LRRC28: variants seen among roughly 807,000 people sequenced by gnomAD.
LRRC28 encodes the protein leucine-rich repeat-containing protein 28.
LRRC28 carries 39 observed loss-of-function variants against 45.7 expected under a neutral mutation model. That is an observed-to-expected ratio of 0.85 (90% CI 0.66 to 1.12). The LOEUF (loss-of-function observed/expected upper bound fraction) is 1.12, where lower values mean the gene tolerates loss of function less well. Among genes scored for constraint, LRRC28 ranks in the 50% most tolerant of loss-of-function variants. The pLI, the probability that LRRC28 is intolerant of heterozygous loss-of-function variation, is 0.00. For missense variants in LRRC28, 435 were observed against 438.5 expected, an observed-to-expected ratio of 0.99 and a Z score of 0.07; for synonymous variants, 206 against 178.8, an observed-to-expected ratio of 1.15 and a Z score of -1.22.
chr15:99,309,974 G>T (rs535007882), intron 5 of LRRC28, among the ~76,000 whole-genome samples: 2 of 152,284 alleles, frequency 1.3e-5, no homozygotes, highest in African/African-American at 4.8e-5. Flanking sequence ...ACTTGTAGAA[G>T]ATGCACCCTC....
intron 3 of LRRC28, chr15:99,284,754 A>G (rs766552359): frequency 4.9e-5 from 26 of 526,096 alleles, no homozygotes; most frequent in East Asian, 3.6e-4. Flanking sequence ...TCCTCCCTTC[A>G]TGGGTTCAAA....
chr15:99,358,537 A>G (rs890122271), intron 7 of LRRC28, among the ~76,000 whole-genome samples: 1 of 152,194 alleles, frequency 6.6e-6, no homozygotes, highest in Non-Finnish European at 1.5e-5. Flanking sequence ...ATCTTCTATA[A>G]AGTATTGTAA....
In LRRC28 at chr15:99,256,017, G is replaced by C. The variant is rs2081008765; in HGVS notation, c.60G>C (p.Leu20Phe). 6.2e-7 allele frequency: 1 copy of C among 1,613,432 alleles called. No individual in the cohort carries two copies. The highest frequency in any genetic ancestry group is 8.5e-7 in the Non-Finnish European group (1 of 1,179,990). The change falls in exon 2 of 10, where the codon TTG becomes TTC. Residue 20 changes from leucine (L) to phenylalanine (F), a missense_variant. Coordinates refer to ENST00000301981, the MANE Select transcript of LRRC28 (RefSeq NM_144598.5). ...SVARLEKHKN[L>F]FLNYRNLHHF... ...CAAGGCTAGAAAAGCACAAGAATTT[G>C]TTCTTAAATTATAGGAATCTGCACC...
chr15:99,331,755 C>G (rs888791660), intron 5 of LRRC28: 2 of 152,028 alleles, frequency 1.3e-5, no homozygotes, highest in African/African-American at 4.8e-5. Flanking sequence ...TTTGCTGGTC[C>G]CCAAAGAGCC....
intron 2 of LRRC28, among the ~76,000 whole-genome samples, chr15:99,262,626 A>G (rs1258690476): frequency 6.6e-6 from 1 of 152,142 alleles, no homozygotes; most frequent in African/African-American, 2.4e-5. Context: ...ATTTATTTGT[A>G]TAGCTGAGAA....
chr15:99,324,499 G>T (rs1220881178), intron 5 of LRRC28, among the ~76,000 whole-genome samples: 1 of 152,122 alleles, frequency 6.6e-6, no homozygotes, highest in Non-Finnish European at 1.5e-5. Flanking sequence ...GTGGTCACTA[G>T]CTTGGTGTGG....
chr15:99,284,005 G>T (rs1450894860), intron 3 of LRRC28, among the ~76,000 whole-genome samples: 1 of 152,180 alleles, frequency 6.6e-6, no homozygotes, highest in South Asian at 2.1e-4. Context: ...TGTTCTAAGA[G>T]CTTTACATTT....
At position 99,361,376 on chromosome 15, in the gene LRRC28, T is replaced by C. The variant is rs1204504504; in HGVS notation, c.736T>C (p.Ser246Pro). 5.0e-6 allele frequency: 8 copies of C among 1,613,768 alleles called. No individual in the cohort carries two copies. The highest frequency in any genetic ancestry group is 6.8e-6 in the Non-Finnish European group (8 of 1,179,938). The change falls in exon 8 of 10, where the codon TCC becomes CCC. Residue 246 changes from serine (S) to proline (P), a missense_variant. Ser to Pro is a moderately conservative substitution (Grantham distance 74, BLOSUM62 -1). Coordinates refer to ENST00000301981, the MANE Select transcript of LRRC28 (RefSeq NM_144598.5). ...TCAAGTTTCCGAGGTGAAGCTGCTT[T>C]CCTTTTCATCAGGGCAGCGAACCGT... is the stretch of plus-strand genomic sequence containing the variant. ...PIQVSEVKLL[S>P]FSSGQRTVFL...
intron 5 of LRRC28, among the ~76,000 whole-genome samples, chr15:99,302,875 G>A (rs917561708): frequency 6.6e-6 from 1 of 152,108 alleles, no homozygotes; most frequent in Non-Finnish European, 1.5e-5. Flanking sequence ...ATGTTTTATT[G>A]TATGGATGTG....
At chr15:99,354,623 T>C (rs1334780475) in intron 7 of LRRC28, among the ~76,000 whole-genome samples, 1 of 152,164 alleles carries the variant, frequency 6.6e-6, no homozygotes, top group African/African-American at 2.4e-5. Flanking sequence ...GGTCACTGTA[T>C]GAGATAATGG....
chr15:99,264,395 G>C (rs1335886185), intron 2 of LRRC28, among the ~76,000 whole-genome samples: 1 of 152,192 alleles, frequency 6.6e-6, no homozygotes, highest in Non-Finnish European at 1.5e-5. Context: ...GGGGAGTGGG[G>C]GGTGGAACTT....
intron 5 of LRRC28, among the ~76,000 whole-genome samples, chr15:99,295,254 T>C (rs191188621): frequency 2.0e-5 from 3 of 152,310 alleles, no homozygotes. Context: ...GTTAAGCATG[T>C]ACCACTTAAA....
Position 99,272,929 on chromosome 15 carries a change from T to C in LRRC28, c.169-3647T>C, listed in dbSNP as rs574191848. On this transcript the variant is annotated intron_variant, in intron 2 of 9. Coordinates refer to ENST00000301981, the MANE Select transcript of LRRC28 (RefSeq NM_144598.5). ...AAAAAACTTCATAGCTTGTAAATCC[T>C]ATGGATTAGGATACACTAGTTTGTG... Among the ~76,000 whole-genome samples the C allele has an allele frequency of 6.0e-4, 91 of 152,318 alleles. No homozygotes were observed. The Middle Eastern group carries it at 0.014, about 23-fold the overall frequency.
At chr15:99,298,272 C>T (rs2082316188) in intron 5 of LRRC28, among the ~76,000 whole-genome samples, 1 of 152,128 alleles carries the variant, frequency 6.6e-6, no homozygotes, top group Admixed American at 6.6e-5. Context: ...AGGCTTGGTG[C>T]TGTATGGGAA....
intron 9 of LRRC28, chr15:99,384,853 A>G (rs1321130364): frequency 6.6e-6 from 1 of 152,246 alleles, no homozygotes. Flanking sequence ...TCGTTGGGCC[A>G]CTTCTCATAA....
intron 6 of LRRC28, among the ~76,000 whole-genome samples, chr15:99,336,790 C>T (rs1001666887): frequency 1.3e-5 from 2 of 152,130 alleles, no homozygotes; most frequent in Admixed American, 6.5e-5. Flanking sequence ...TTCCATTGCC[C>T]GGCCCCTGCA....
At chr15:99,376,894 A>T (rs1438229520) in intron 9 of LRRC28, among the ~76,000 whole-genome samples, 2 of 152,324 alleles carry the variant, frequency 1.3e-5, no homozygotes, top group East Asian at 3.9e-4. Flanking sequence ...TTATGGCTGC[A>T]GAGTATTCCA....
At chr15:99,361,299 A>G (rs1369623085) in intron 7 of LRRC28, 37 bp from the exon 8 acceptor site, 1 of 1,569,016 alleles carries the variant, frequency 6.4e-7, no homozygotes, top group South Asian at 1.2e-5. Flanking sequence ...TCTTTTCCTT[A>G]TTGCTAATAA....
chr15:99,290,515 G>A (rs1597254307), intron 5 of LRRC28, among the ~76,000 whole-genome samples: 1 of 152,118 alleles, frequency 6.6e-6, no homozygotes, highest in African/African-American at 2.4e-5. Context: ...AGATTGCCTA[G>A]AAAATGTATC....
Sources: allele counts gnomAD v4.1 joint callset (sites outside exome capture counted in the v4.1 genomes callset), GRCh38; gene constraint gnomAD v4.1.1; transcripts MANE v1.5; gene names NCBI Gene and HGNC (gene_info 2026-07-23, HGNC 2026-07-21).